Variants in NXPH2 observed in about 807,000 individuals in gnomAD.
NXPH2 encodes neurexophilin 2.
Under a neutral mutation model 19.8 loss-of-function variants are expected in NXPH2, and 5 were observed. The ratio of observed to expected loss-of-function variants is 0.25; its 90% CI spans 0.13 to 0.53. The LOEUF is 0.53. Among genes scored for constraint, NXPH2 ranks in the 20% least tolerant of loss-of-function variants. The pLI is 0.96. For missense variants in NXPH2, 289 were observed against 322.8 expected, an observed-to-expected ratio of 0.90 and a Z score of 0.80; for synonymous variants, 154 against 127.4, an observed-to-expected ratio of 1.21 and a Z score of -1.41.
At chr2:138,722,187 G>A (rs934024410) in intron 1 of NXPH2, among the ~76,000 whole-genome samples, 4 of 152,236 alleles carry the variant, frequency 2.6e-5, no homozygotes, top group African/African-American at 9.6e-5. Context: ...AGCAAAGTGA[G>A]CAAGAGGATA....
At chr2:138,679,673 T>C (rs1232243512) in intron 1 of NXPH2, among the ~76,000 whole-genome samples, 4 of 152,142 alleles carry the variant, frequency 2.6e-5, no homozygotes, top group Non-Finnish European at 5.9e-5. Context: ...GTGTTGGGAT[T>C]ACAGGCGTGA....
rs112770624 is a variant in NXPH2, at chr2:138,685,097, G to T, written c.52-13432C>A. Among the ~76,000 whole-genome samples, 7 of 152,240 alleles carry T rather than the reference G, an allele frequency of 4.6e-5. No individual in the cohort carries two copies. In the East Asian group the frequency reaches 7.7e-4, roughly 17 times the overall value. ...CAATCAGTTGATTTTAAGTTAAAAA[G>T]GTTATTCTTGATTATTGGGGTTGGC... On this transcript the variant is annotated intron_variant, in intron 1 of 1. Transcript: ENST00000272641.
At chr2:138,738,516 T>A (rs1044072996) in intron 1 of NXPH2, among the ~76,000 whole-genome samples, 2 of 152,178 alleles carry the variant, frequency 1.3e-5, no homozygotes, top group Admixed American at 6.5e-5. Flanking sequence ...AGCAAAAAAA[T>A]TTGTGATAAT....
intron 1 of NXPH2, among the ~76,000 whole-genome samples, chr2:138,744,327 C>T (rs187055161): frequency 6.6e-5 from 10 of 151,896 alleles, no homozygotes; most frequent in East Asian, 3.9e-4. Context: ...ATATGTTTTC[C>T]GTCAAAATAA....
rs1682331936 is a variant in NXPH2, at chr2:138,780,273, C to G, written c.-32G>C. On this transcript the variant is annotated 5_prime_UTR_variant, in exon 1 of 2. Coordinates refer to ENST00000272641, the MANE Select transcript of NXPH2 (RefSeq NM_007226.3). ...GGCTGGCGCGGCTTTTCACGAGCTG[C>G]GCGCCCTCGCCTGCCTCTCGCGCAT... is the stretch of plus-strand genomic sequence containing the variant. The G allele has an allele frequency of 7.1e-7, 1 of 1,408,822 alleles. No individual in the cohort carries two copies. Among genetic ancestry groups the G allele is most frequent in the Non-Finnish European group, 9.2e-7 (1 of 1,091,360 alleles). The allele number at this position is 1,408,822 out of a possible 1,614,324, so 87.3% of individuals were successfully genotyped here.
In NXPH2 at chr2:138,746,346, G is replaced by A. The variant is rs7423383; in HGVS notation, c.51+33845C>T. Among the ~76,000 whole-genome samples the A allele has an allele frequency of 6.2e-3, 937 of 152,276 alleles. 6 individuals are homozygous for A. The highest frequency in any genetic ancestry group is 7.3e-3 in the Non-Finnish European group (494 of 68,020). ...AGGTGCAACTTGTGTCCTGTGAAGCGGCAGTTCACTTTGCCTCCAGGCACC... is the reference window on the plus strand; with the variant it reads ...AGGTGCAACTTGTGTCCTGTGAAGCAGCAGTTCACTTTGCCTCCAGGCACC... On this transcript the variant is annotated intron_variant, in intron 1 of 1. Coordinates refer to ENST00000272641, the MANE Select transcript of NXPH2 (RefSeq NM_007226.3).
intron 1 of NXPH2, among the ~76,000 whole-genome samples, chr2:138,742,238 C>A (rs1206293998): frequency 6.6e-6 from 1 of 152,172 alleles, no homozygotes; most frequent in Non-Finnish European, 1.5e-5. Flanking sequence ...TTGACTCCAT[C>A]TTCAGGGCTC....
intron 1 of NXPH2, among the ~76,000 whole-genome samples, chr2:138,690,487 G>A (rs1234434407): frequency 6.6e-6 from 1 of 151,852 alleles, no homozygotes; most frequent in Non-Finnish European, 1.5e-5. Context: ...TTAAGAAGGT[G>A]CTTCTAGAGA....
chr2:138,745,038 G>T (rs546172548), intron 1 of NXPH2, among the ~76,000 whole-genome samples: 1 of 152,296 alleles, frequency 6.6e-6, no homozygotes, highest in Non-Finnish European at 1.5e-5. Context: ...CTGCTGCAAT[G>T]ATGAAAACAC....
At chr2:138,729,819 A>C (rs913984451) in intron 1 of NXPH2, among the ~76,000 whole-genome samples, 1 of 152,174 alleles carries the variant, frequency 6.6e-6, no homozygotes, top group African/African-American at 2.4e-5. Flanking sequence ...TTAAGGGCTT[A>C]TGACTCCCGT....
intron 1 of NXPH2, among the ~76,000 whole-genome samples, chr2:138,731,117 T>G (rs1350930421): frequency 6.6e-6 from 1 of 152,208 alleles, no homozygotes; most frequent in Non-Finnish European, 1.5e-5. Flanking sequence ...TTCTTTTTAT[T>G]TATTCAGTTT....
At chr2:138,777,831 TAAAAA>T (rs11299940) in intron 1 of NXPH2, among the ~76,000 whole-genome samples, 53 of 92,966 alleles carry the variant, frequency 5.7e-4, no homozygotes, top group African/African-American at 2.1e-3. Flanking sequence ...ACCAAAAAAT[TAAAAA>T]AAAAAAAAAA....
intron 1 of NXPH2, among the ~76,000 whole-genome samples, chr2:138,736,436 C>G (rs900374857): frequency 3.9e-5 from 6 of 152,238 alleles, no homozygotes; most frequent in Admixed American, 2.0e-4. Context: ...GGTCCACGCT[C>G]TACATTTGAC....
intron 1 of NXPH2, among the ~76,000 whole-genome samples, chr2:138,709,119 T>C (rs999106590): frequency 6.6e-6 from 1 of 152,006 alleles, no homozygotes; most frequent in Admixed American, 6.6e-5. Flanking sequence ...GAGGAAGCTA[T>C]TTAGGTCCCA....
intron 1 of NXPH2, among the ~76,000 whole-genome samples, chr2:138,691,735 G>A (rs976402492): frequency 1.3e-5 from 2 of 152,150 alleles, no homozygotes; most frequent in Non-Finnish European, 2.9e-5. Flanking sequence ...AAGGGGCCCA[G>A]ATGAGTGCAA....
chr2:138,771,694 A>G (rs999609497), intron 1 of NXPH2, among the ~76,000 whole-genome samples: 1 of 152,150 alleles, frequency 6.6e-6, no homozygotes, highest in Non-Finnish European at 1.5e-5. Context: ...TCCTGCAGGG[A>G]AGACCGAGAT....
At chr2:138,773,039 G>A (rs1469668652) in intron 1 of NXPH2, among the ~76,000 whole-genome samples, 2 of 152,212 alleles carry the variant, frequency 1.3e-5, no homozygotes, top group Non-Finnish European at 2.9e-5. Flanking sequence ...ATTAAAAATG[G>A]GATGGTGGTG....
chr2:138,735,230 AG>A (rs1681520724), intron 1 of NXPH2, among the ~76,000 whole-genome samples: 1 of 152,104 alleles, frequency 6.6e-6, no homozygotes, highest in African/African-American at 2.4e-5. Context: ...GGAGTTTTAT[AG>A]TTGGTATTCT....
chr2:138,775,805 A>C (rs1390288132), intron 1 of NXPH2, among the ~76,000 whole-genome samples: 1 of 152,124 alleles, frequency 6.6e-6, no homozygotes, highest in African/African-American at 2.4e-5. Context: ...CATTTGGACC[A>C]ATTTTTTAAA....
Sources: gnomAD v4.1 joint callset for allele counts (sites outside exome capture counted in the v4.1 genomes callset) on GRCh38, gnomAD v4.1.1 for gene constraint, MANE v1.5 for transcripts, NCBI Gene and HGNC (gene_info 2026-07-23, HGNC 2026-07-21) for gene names.